Variants in SIAH3 observed in about 807,000 individuals in gnomAD.
SIAH3 encodes seven in absentia homolog 3.
In SIAH3, 9 loss-of-function variants were observed where a neutral mutation model predicts 12.6. That is an observed-to-expected ratio of 0.72 (90% CI 0.43 to 1.25). SIAH3 has a LOEUF of 1.25. Ranked by LOEUF, SIAH3 falls within the 50% of genes most tolerant of loss-of-function variation. The pLI, the probability that SIAH3 is intolerant of heterozygous loss-of-function variation, is 0.00. For missense variants in SIAH3, 390 were observed against 365.4 expected (o/e 1.07, Z -0.55); for synonymous variants, 154 against 151.1 (o/e 1.02, Z -0.14).
intron 1 of SIAH3, among the ~76,000 whole-genome samples, chr13:45,817,179 T>G (rs1428747143): frequency 1.3e-5 from 2 of 152,242 alleles, no homozygotes; most frequent in Non-Finnish European, 1.5e-5. Flanking sequence ...TATACAATGG[T>G]CATCCCATAA....
intron 1 of SIAH3, among the ~76,000 whole-genome samples, chr13:45,849,771 C>A (rs1032594217): frequency 4.6e-5 from 7 of 152,222 alleles, no homozygotes; most frequent in African/African-American, 1.7e-4. Flanking sequence ...CCATCATCAG[C>A]TGCAGTCAAT....
rs564561854 is a variant in SIAH3 at position 45,778,961 on chromosome 13, G to A, written c.*4422C>T. ...AGATTCCTGGAACCAATCCCCCAAG[G>A]ATACTGAGGGATGATTATACTGTTA... On this transcript the variant is annotated 3_prime_UTR_variant, in exon 2 of 2. Transcript: ENST00000400405. The A allele has an allele frequency of 2.0e-5, 3 of 152,270 alleles. No individual in the cohort carries two copies. In the South Asian group the frequency reaches 6.2e-4, roughly 32 times the overall value. 9.4% of individuals were successfully genotyped at this position (152,270 alleles called of 1,614,324 possible).
intron 1 of SIAH3, among the ~76,000 whole-genome samples, chr13:45,797,140 A>G (rs1442701762): frequency 8.1e-6 from 1 of 123,552 alleles, no homozygotes; most frequent in East Asian, 2.0e-4. Context: ...AATCGTCTCT[A>G]TGCAGGTTTT....
In SIAH3 at chr13:45,782,729, TG is replaced by T. The variant is rs1413393635; in HGVS notation, c.*653del. 1 of 152,200 alleles carries T rather than the reference TG, an allele frequency of 6.6e-6. No individual in the cohort carries two copies. Among genetic ancestry groups the T allele is most frequent in the East Asian group, 1.9e-4 (1 of 5,178 alleles). 9.4% of individuals were successfully genotyped at this position (152,200 alleles called of 1,614,324 possible). A position where few individuals can be genotyped will look rare whatever the true frequency, so the allele number is the denominator to read the frequency against. On this transcript the variant is annotated 3_prime_UTR_variant, in exon 2 of 2. Coordinates refer to ENST00000400405, the MANE Select transcript of SIAH3 (RefSeq NM_198849.3). Reference sequence around the variant, plus strand: ...AGCCCGTCACAGGAAGGTGGGCCTCTGACTACTCTCCTGAGCCCCAGCATCA... The same window carrying T: ...AGCCCGTCACAGGAAGGTGGGCCTCTACTACTCTCCTGAGCCCCAGCATCA...
intron 1 of SIAH3, among the ~76,000 whole-genome samples, chr13:45,830,474 C>T (rs536862087): frequency 3.5e-4 from 54 of 152,338 alleles, no homozygotes; most frequent in South Asian, 1.2e-3. Context: ...GGGCACAGCC[C>T]GAGGCAGGCC....
chr13:45,797,084 T>G (rs922764644), intron 1 of SIAH3, among the ~76,000 whole-genome samples: 2 of 152,128 alleles, frequency 1.3e-5, no homozygotes, highest in African/African-American at 2.4e-5. Context: ...ACAAGTTTAT[T>G]AGTGTCTGCT....
chr13:45,786,588 A>T (rs1747951508), intron 1 of SIAH3, among the ~76,000 whole-genome samples: 2 of 152,224 alleles, frequency 1.3e-5, no homozygotes, highest in Admixed American at 1.3e-4. Flanking sequence ...TCTCAAGGGC[A>T]TGTTAGGAGA....
In SIAH3 at chr13:45,784,008, C is replaced by G. The variant is rs1248272299; in HGVS notation, c.185G>C (p.Ser62Thr). The G allele has an allele frequency of 6.2e-7, 1 of 1,605,418 alleles. No homozygotes were observed. The highest frequency in any genetic ancestry group is 1.1e-5 in the South Asian group (1 of 88,776). ...GTGGGAGAGATGGTGAGGGTGGAAG[C>G]TGCCTTGCTCTGGAGCGCTCTGAGT... ...AVTQSAPEQG[S>T]FHPHHLSHHH... The change falls in exon 2 of 2, where the codon AGC (serine) becomes ACC (threonine). Residue 62 changes from serine (S) to threonine (T), a missense_variant. Transcript: ENST00000400405.
At chr13:45,805,009 C>CACACAA (rs1555257626) in intron 1 of SIAH3, among the ~76,000 whole-genome samples, 2 of 134,196 alleles carry the variant, frequency 1.5e-5, no homozygotes, top group Non-Finnish European at 3.2e-5. Flanking sequence ...CACACACACA[C>CACACAA]AAAATACTTT....
intron 1 of SIAH3, among the ~76,000 whole-genome samples, chr13:45,845,635 TTG>T (rs1490224109): frequency 6.6e-6 from 1 of 152,224 alleles, no homozygotes; most frequent in Non-Finnish European, 1.5e-5. Flanking sequence ...GCCTCTTTTA[TTG>T]TGTTAAGTGG....
In SIAH3 at chr13:45,802,424, C is replaced by T. The variant is rs544607146; in HGVS notation, c.136-18367G>A. On this transcript the variant is annotated intron_variant, in intron 1 of 1. Coordinates refer to ENST00000400405, the MANE Select transcript of SIAH3 (RefSeq NM_198849.3). ...GAGAGTGGGGTTAGGGGGCGAGGTG[C>T]AGTGAGGCAGTGAAGGAACTGTTGA... is the stretch of plus-strand genomic sequence containing the variant. Among the ~76,000 whole-genome samples, 414 of 152,222 alleles carry T rather than the reference C, an allele frequency of 2.7e-3. 2 individuals carry two copies. The highest frequency in any genetic ancestry group is 9.4e-3 in the African/African-American group (390 of 41,536).
At position 45,780,988 on chromosome 13, in the gene SIAH3, A is replaced by C. The variant is rs926503897; in HGVS notation, c.*2395T>G. The C allele has an allele frequency of 2.0e-5, 3 of 152,358 alleles. No homozygotes were observed. The highest frequency in any genetic ancestry group is 7.2e-5 in the African/African-American group (3 of 41,424). The allele number at this position is 152,358 out of a possible 1,614,324, so 9.4% of individuals were successfully genotyped here. ...TTCTTCTCCAGTTCTTCACATATGG[A>C]TATGGAGAGGCCTTTTGGGGAGCAC... On this transcript the variant is annotated 3_prime_UTR_variant, in exon 2 of 2. Transcript: ENST00000400405.
At chr13:45,844,648 A>G (rs568469776) in intron 1 of SIAH3, among the ~76,000 whole-genome samples, 2 of 152,346 alleles carry the variant, frequency 1.3e-5, no homozygotes, top group South Asian at 2.1e-4. Context: ...ATATCCATAT[A>G]CATACATATC....
At chr13:45,833,466 TAC>T (rs1950706835) in intron 1 of SIAH3, among the ~76,000 whole-genome samples, 1 of 149,172 alleles carries the variant, frequency 6.7e-6, no homozygotes, top group Admixed American at 6.7e-5. Context: ...TGCAAGAAAT[TAC>T]ACACACACAT....
chr13:45,836,989 G>T (rs1950720018), intron 1 of SIAH3, among the ~76,000 whole-genome samples: 1 of 152,276 alleles, frequency 6.6e-6, no homozygotes, highest in Admixed American at 6.5e-5. Context: ...ATTGGTTAGT[G>T]GTAAATGTGT....
intron 1 of SIAH3, among the ~76,000 whole-genome samples, chr13:45,823,267 C>A (rs1008358003): frequency 2.0e-5 from 3 of 152,144 alleles, no homozygotes; most frequent in African/African-American, 7.2e-5. Flanking sequence ...CTGACTTAAT[C>A]GGTCTGGGGT....
At chr13:45,831,378 G>A (rs1205856534) in intron 1 of SIAH3, among the ~76,000 whole-genome samples, 1 of 152,092 alleles carries the variant, frequency 6.6e-6, no homozygotes, top group Non-Finnish European at 1.5e-5. Flanking sequence ...GAGGCACTAA[G>A]GCTTTCAGCA....
chr13:45,811,959 G>A (rs1353497020), intron 1 of SIAH3, among the ~76,000 whole-genome samples: 7 of 152,198 alleles, frequency 4.6e-5, no homozygotes, highest in Non-Finnish European at 1.0e-4. Flanking sequence ...GGGCATGCCT[G>A]CACTGGAATC....
rs1394419128 is a variant in SIAH3 at position 45,783,423 on chromosome 13, A to G, written c.770T>C (p.Ile257Thr). ...DNGSLAIGIA[I>T]TATEVLPSEA... Reference sequence around the variant, plus strand: ...TGAGGGGAGGACCTCTGTCGCGGTGATGGCAATCCCAATGGCAAGGCTGCC... The same window carrying G: ...TGAGGGGAGGACCTCTGTCGCGGTGGTGGCAATCCCAATGGCAAGGCTGCC... The change falls in exon 2 of 2, where the codon ATC (isoleucine) becomes ACC (threonine). Residue 257 changes from isoleucine (I) to threonine (T), a missense_variant. Coordinates refer to ENST00000400405, the MANE Select transcript of SIAH3 (RefSeq NM_198849.3). 6.2e-7 allele frequency: 1 copy of G among 1,613,646 alleles called. No homozygotes were observed. Among genetic ancestry groups the G allele is most frequent in the Non-Finnish European group, 8.5e-7 (1 of 1,179,642 alleles).
Sources: gnomAD v4.1 joint callset for allele counts (sites outside exome capture counted in the v4.1 genomes callset) on GRCh38, gnomAD v4.1.1 for gene constraint, MANE v1.5 for transcripts, NCBI Gene and HGNC (gene_info 2026-07-23, HGNC 2026-07-21) for gene names.